The following FAT3 variants were observed in gnomAD, a reference collection of about 807,000 sequenced individuals.
The protein encoded by FAT3 is protocadherin Fat 3.
A neutral mutation model predicts 310.2 loss-of-function variants in FAT3; 95 were observed. The observed-to-expected ratio is 0.31, with a 90% CI of 0.26 to 0.36. The LOEUF is 0.36. Ranked by LOEUF, FAT3 falls within the 10% of genes least tolerant of loss-of-function variation. The probability of loss-of-function intolerance (pLI) is 1.00; values close to 1 mark genes in which losing one functional copy is unlikely to be tolerated. For missense variants in FAT3, 5,408 were observed against 5,715.6 expected, an observed-to-expected ratio of 0.95 and a Z score of 1.74; for synonymous variants, 2,314 against 2,192.9, an observed-to-expected ratio of 1.06 and a Z score of -1.54.
intron 2 of FAT3, among the ~76,000 whole-genome samples, chr11:92,426,758 A>G (rs1010396204): frequency 1.3e-5 from 2 of 152,192 alleles, no homozygotes; most frequent in African/African-American, 4.8e-5. Flanking sequence ...TACCAGTACC[A>G]TGCTGTTTTG....
intron 3 of FAT3, among the ~76,000 whole-genome samples, chr11:92,625,046 A>C (rs921300019): frequency 6.6e-6 from 1 of 152,192 alleles, no homozygotes; most frequent in African/African-American, 2.4e-5. Flanking sequence ...TAACCTCTGT[A>C]GAGACCATGT....
chr11:92,706,644 A>G (rs1288535473), intron 4 of FAT3, among the ~76,000 whole-genome samples: 3 of 152,200 alleles, frequency 2.0e-5, no homozygotes, highest in Non-Finnish European at 4.4e-5. Flanking sequence ...GCAACAGTTG[A>G]TAGAAAGGAA....
rs1013692103 is a variant in FAT3, at chr11:92,352,941, G to A, written c.829G>A (p.Glu277Lys). Residue 277 changes from glutamate to lysine, a missense_variant, in exon 2 of 28, where the codon GAA (glutamate) becomes AAA (lysine). By Grantham distance (56) the Glu-to-Lys change is moderately conservative. Coordinates refer to ENST00000525166, the MANE Select transcript of FAT3 (RefSeq NM_001367949.2). ...AGTCACTCATGTTCCTTTCTCGTTG[G>A]AAAAAGAGCCAACATATGCAGTGGT... ...HVVTHVPFSL[E>K]KEPTYAVVTV... 8 of 1,613,724 alleles carry A rather than the reference G, an allele frequency of 5.0e-6. No homozygotes were observed. The highest frequency in any genetic ancestry group is 6.8e-6 in the Non-Finnish European group (8 of 1,179,858).
intron 2 of FAT3, among the ~76,000 whole-genome samples, chr11:92,472,263 T>C (rs2511001): frequency 0.74 from 112,711 of 151,940 alleles, 43,273 homozygotes; most frequent in East Asian, 0.87. Context: ...CTTTTACTTT[T>C]AGCAGTACTG....
intron 4 of FAT3, among the ~76,000 whole-genome samples, chr11:92,711,083 A>G (rs1388129042): frequency 6.6e-6 from 1 of 152,214 alleles, no homozygotes; most frequent in African/African-American, 2.4e-5. Context: ...AACATTTAAT[A>G]ATATTCATAG....
At position 92,585,370 on chromosome 11, in the gene FAT3, G is replaced by T. The variant is rs148218930; in HGVS notation, c.3607+60422G>T. Among the ~76,000 whole-genome samples, 109 of 152,130 alleles carry T rather than the reference G, an allele frequency of 7.2e-4. 2 individuals carry two copies. The East Asian group carries it at 0.02, about 28-fold the overall frequency. ...CACACAACAGATTTCCCACTAGTGT[G>T]TTGGCCTGGATTGGTAGATATGAAA... On this transcript the variant is annotated intron_variant, in intron 3 of 27. Coordinates refer to ENST00000525166, the MANE Select transcript of FAT3 (RefSeq NM_001367949.2).
chr11:92,660,451 A>T (rs1484600788), intron 3 of FAT3, among the ~76,000 whole-genome samples: 2 of 152,142 alleles, frequency 1.3e-5, no homozygotes, highest in African/African-American at 4.8e-5. Flanking sequence ...GGGCTGGGCA[A>T]TGAGATAAAA....
intron 3 of FAT3, among the ~76,000 whole-genome samples, chr11:92,660,488 T>G (rs1428829291): frequency 6.6e-6 from 1 of 151,918 alleles, no homozygotes; most frequent in Non-Finnish European, 1.5e-5. Flanking sequence ...AGAGCAGAGG[T>G]GTGTCTGCTG....
intron 6 of FAT3, 96 bp from the exon 7 acceptor site, chr11:92,773,945 A>T: frequency 7.6e-6 from 11 of 1,438,996 alleles, no homozygotes; most frequent in Non-Finnish European, 9.4e-6. Flanking sequence ...CTGTCAAAAA[A>T]AATTTCTGTA....
chr11:92,279,157 T>G (rs1946356390), intron 1 of FAT3, among the ~76,000 whole-genome samples: 1 of 152,192 alleles, frequency 6.6e-6, no homozygotes, highest in South Asian at 2.1e-4. Flanking sequence ...CTGTGTGCTG[T>G]GCATACTATA....
At chr11:92,562,504 G>T (rs1296282966) in intron 3 of FAT3, among the ~76,000 whole-genome samples, 1 of 152,158 alleles carries the variant, frequency 6.6e-6, no homozygotes, top group Non-Finnish European at 1.5e-5. Flanking sequence ...ATAGGTCAGG[G>T]TTCTCCAGAG....
chr11:92,893,241 C>T lies in FAT3; in HGVS notation c.*2128C>T, dbSNP rs1469501240. 2.6e-5 allele frequency: 4 copies of T among 152,138 alleles called. No homozygotes were observed. Among genetic ancestry groups the T allele is most frequent in the Non-Finnish European group, 5.9e-5 (4 of 68,020 alleles). The allele number at this position is 152,138 out of a possible 1,614,324, so 9.4% of individuals were successfully genotyped here. A position where few individuals can be genotyped will look rare whatever the true frequency, so the allele number is the denominator to read the frequency against. On this transcript the variant is annotated 3_prime_UTR_variant, in exon 28 of 28. Coordinates refer to ENST00000525166, the MANE Select transcript of FAT3 (RefSeq NM_001367949.2). ...TCACAAGTTTTCCAGCCTTTCTCTTCCTGTCTCTTGGTCAGACCTACTCAT... is the reference window on the plus strand; with the variant it reads ...TCACAAGTTTTCCAGCCTTTCTCTTTCTGTCTCTTGGTCAGACCTACTCAT...
intron 2 of FAT3, among the ~76,000 whole-genome samples, chr11:92,488,247 G>C (rs1286378540): frequency 6.6e-6 from 1 of 152,050 alleles, no homozygotes; most frequent in Non-Finnish European, 1.5e-5. Context: ...AAGCTTGTAA[G>C]TGATTCTTCC....
chr11:92,478,770 C>A (rs1050785948), intron 2 of FAT3, among the ~76,000 whole-genome samples: 2 of 152,000 alleles, frequency 1.3e-5, no homozygotes, highest in Admixed American at 6.6e-5. Context: ...GTTCCCACCA[C>A]CACACTTGGC....
intron 2 of FAT3, among the ~76,000 whole-genome samples, chr11:92,438,703 A>G (rs531837667): frequency 6.6e-5 from 10 of 152,334 alleles, no homozygotes; most frequent in Middle Eastern, 3.4e-3. Flanking sequence ...TGCTAACTCA[A>G]GGTCAGGACA....
intron 19 of FAT3, 54 bp downstream of exon 19, chr11:92,844,786 T>G: frequency 7.0e-7 from 1 of 1,428,466 alleles, no homozygotes; most frequent in Admixed American, 2.6e-5. Context: ...AGGAGTAGAA[T>G]GAGTTACCAT....
At chr11:92,437,933 A>G (rs1212853543) in intron 2 of FAT3, among the ~76,000 whole-genome samples, 2 of 42,056 alleles carry the variant, frequency 4.8e-5, no homozygotes, top group African/African-American at 1.9e-4. Context: ...AGACAGTTAG[A>G]CCTGAGCTAA....
intron 1 of FAT3, among the ~76,000 whole-genome samples, chr11:92,293,877 G>C (rs557264834): frequency 2.6e-4 from 39 of 152,092 alleles, no homozygotes; most frequent in Middle Eastern, 3.4e-3. Flanking sequence ...ACCCAGATTT[G>C]AGAAGAGGAA....
intron 22 of FAT3, among the ~76,000 whole-genome samples, chr11:92,871,593 T>TTA (rs1949394371): frequency 6.6e-6 from 1 of 152,228 alleles, no homozygotes; most frequent in Non-Finnish European, 1.5e-5. Flanking sequence ...TGACACCTTG[T>TTA]TATAGAAGAC....
Sources: gnomAD v4.1 joint callset for allele counts (sites outside exome capture counted in the v4.1 genomes callset) on GRCh38, gnomAD v4.1.1 for gene constraint, MANE v1.5 for transcripts, NCBI Gene and HGNC (gene_info 2026-07-23, HGNC 2026-07-21) for gene names.